OCA2: variants seen among roughly 807,000 people sequenced by gnomAD.
OCA2 encodes P protein.
In OCA2, 77 loss-of-function variants were observed where a neutral mutation model predicts 100.2. The observed-to-expected ratio is 0.77, with a 90% confidence interval of 0.64 to 0.93. OCA2 has a LOEUF of 0.93. Ranked by LOEUF, OCA2 falls within the 40% of genes least tolerant of loss-of-function variation. The pLI, the probability that OCA2 is intolerant of heterozygous loss-of-function variation, is 0.00. For missense variants in OCA2, 1,062 were observed against 1,089.1 expected, an observed-to-expected ratio of 0.98 and a Z score of 0.35; for synonymous variants, 432 against 439.2, an observed-to-expected ratio of 0.98 and a Z score of 0.21.
In OCA2 at chr15:28,074,668, C is replaced by T. The variant is rs868587367; in HGVS notation, c.227+6980G>A. 1.0e-3 allele frequency among the ~76,000 whole-genome samples: 133 copies of T among 126,744 alleles called. 1 individual carries two copies. Among genetic ancestry groups the T allele is most frequent in the African/African-American group, 4.2e-3 (118 of 28,246 alleles). The allele number at this position is 126,744 out of a possible 152,430, so 83.1% of individuals were successfully genotyped here. A position where few individuals can be genotyped will look rare whatever the true frequency, so the allele number is the denominator to read the frequency against. ...CAGCCTGGGCAACAGAGCGAGACTC[C>T]GTCTCAAAAAAAAAAAAAAAAAAAA... On this transcript the variant is annotated intron_variant, in intron 2 of 23. Transcript: ENST00000354638.
intron 23 of OCA2, among the ~76,000 whole-genome samples, chr15:27,794,347 G>A (rs2033231345): frequency 6.6e-6 from 1 of 152,176 alleles, no homozygotes; most frequent in South Asian, 2.1e-4. Context: ...GCGCTCAGGA[G>A]GACTTGCTGC....
At chr15:27,768,810 G>A (rs1382423232) in intron 23 of OCA2, among the ~76,000 whole-genome samples, 1 of 152,194 alleles carries the variant, frequency 6.6e-6, no homozygotes, top group East Asian at 1.9e-4. Context: ...TTCTGAAGGG[G>A]AAGGCAAGGC....
chr15:27,911,961 G>A (rs58480573), intron 19 of OCA2, among the ~76,000 whole-genome samples: 7,665 of 152,266 alleles, frequency 0.05, 367 homozygotes, highest in South Asian at 0.21. Context: ...AAATACTGTA[G>A]TTGAGTTAGT....
At chr15:27,919,465 T>C (rs1595646532) in intron 19 of OCA2, among the ~76,000 whole-genome samples, 1 of 152,048 alleles carries the variant, frequency 6.6e-6, no homozygotes. Flanking sequence ...TGTTAAGCCA[T>C]GAAAAGACAA....
intron 6 of OCA2, 73 bp from the exon 7 acceptor site, chr15:28,018,630 A>G (rs2042483410): frequency 2.1e-6 from 3 of 1,395,498 alleles, no homozygotes; most frequent in African/African-American, 2.8e-5. Flanking sequence ...CCAGACGCAC[A>G]CCCTCCTCTG....
intron 2 of OCA2, among the ~76,000 whole-genome samples, chr15:28,078,358 T>G (rs543273634): frequency 1.3e-5 from 2 of 152,360 alleles, no homozygotes; most frequent in East Asian, 1.9e-4. Context: ...CTGCTGCTAC[T>G]CACAGCCTCC....
chr15:27,934,518 T>G (rs1457461452), intron 18 of OCA2, among the ~76,000 whole-genome samples: 1 of 152,224 alleles, frequency 6.6e-6, no homozygotes, highest in African/African-American at 2.4e-5. Flanking sequence ...TGCTCCAATT[T>G]CACTTCTCCT....
the OCA2 span, among the ~76,000 whole-genome samples, chr15:27,739,778 T>C: frequency 6.6e-6 from 1 of 152,050 alleles, no homozygotes; most frequent in South Asian, 2.1e-4. Flanking sequence ...ATGAATTCTC[T>C]TACCTCCAAC....
intron 9 of OCA2, among the ~76,000 whole-genome samples, chr15:27,994,130 A>G (rs2041645347): frequency 1.3e-5 from 2 of 152,140 alleles, no homozygotes; most frequent in South Asian, 4.2e-4. Context: ...AGGGCCGCAC[A>G]GTGGGAGGTG....
intron 23 of OCA2, among the ~76,000 whole-genome samples, chr15:27,834,418 C>T (rs2035072514): frequency 6.6e-6 from 1 of 152,212 alleles, no homozygotes; most frequent in Non-Finnish European, 1.5e-5. Flanking sequence ...TTATAATACC[C>T]TTTAAAATAA....
At chr15:28,034,713 C>A (rs1034950982) in intron 2 of OCA2, among the ~76,000 whole-genome samples, 4 of 151,852 alleles carry the variant, frequency 2.6e-5, no homozygotes, top group African/African-American at 9.7e-5. Context: ...AGAGGTCAAA[C>A]CTTCAATGAG....
At chr15:27,770,512 G>C (rs1275195961) in intron 23 of OCA2, among the ~76,000 whole-genome samples, 2 of 121,462 alleles carry the variant, frequency 1.6e-5, no homozygotes, top group Admixed American at 1.7e-4. Flanking sequence ...GACCCTCCCC[G>C]CAGGCCGCCG....
intron 21 of OCA2, among the ~76,000 whole-genome samples, chr15:27,855,132 C>A (rs1442644617): frequency 6.6e-6 from 1 of 152,202 alleles, no homozygotes; most frequent in Non-Finnish European, 1.5e-5. Context: ...TGATAAGAAC[C>A]AGCTCCCTAA....
At chr15:27,966,663 C>A in intron 15 of OCA2, 27 bp downstream of exon 15, 1 of 1,612,452 alleles carries the variant, frequency 6.2e-7, no homozygotes, top group Non-Finnish European at 8.5e-7. Flanking sequence ...GAAATCTGAG[C>A]CTACATGAGG....
chr15:27,730,797 A>G, the OCA2 span, among the ~76,000 whole-genome samples: 1 of 139,820 alleles, frequency 7.2e-6, no homozygotes, highest in Non-Finnish European at 1.5e-5. Context: ...TTCAAATTAT[A>G]TCACAGGAGC....
At chr15:27,983,305 G>A (rs2140963685) in intron 14 of OCA2, 40 bp downstream of exon 14, 1 of 1,613,116 alleles carries the variant, frequency 6.2e-7, no homozygotes, top group East Asian at 2.2e-5. Context: ...AAGTGGAGGT[G>A]TGCGTTTACT....
At position 27,895,860 on chromosome 15, in the gene OCA2, T is replaced by C. The variant is rs2037666348; in HGVS notation, c.2080-23938A>G. The C allele has an allele frequency of 1.1e-5, 6 of 550,800 alleles. 1 individual carries two copies. Among genetic ancestry groups the C allele is most frequent in the South Asian group, 7.8e-5 (4 of 51,352 alleles). 34.1% of individuals were successfully genotyped at this position (550,800 alleles called of 1,614,324 possible). A position where few individuals can be genotyped will look rare whatever the true frequency, so the allele number is the denominator to read the frequency against. On this transcript the variant is annotated intron_variant, in intron 19 of 23. Transcript: ENST00000354638. Reference sequence around the variant, plus strand: ...AACACACCCAAATACAGGATGATAGTTTGTGTAACACACAGAGATATTATT... The same window carrying C: ...AACACACCCAAATACAGGATGATAGCTTGTGTAACACACAGAGATATTATT...
intron 2 of OCA2, among the ~76,000 whole-genome samples, chr15:28,062,589 T>C (rs72712694): frequency 0.038 from 5,733 of 152,308 alleles, 138 homozygotes; most frequent in Admixed American, 0.06. Flanking sequence ...TTATGTACTT[T>C]TTTTGTTTGT....
intron 23 of OCA2, among the ~76,000 whole-genome samples, chr15:27,761,665 A>G (rs74007357): frequency 8.0e-4 from 122 of 152,324 alleles, no homozygotes; most frequent in African/African-American, 2.9e-3. Context: ...AGCAAAGACA[A>G]TCTTAACAAA....
Sources: gnomAD v4.1 joint callset for allele counts (sites outside exome capture counted in the v4.1 genomes callset) on GRCh38, gnomAD v4.1.1 for gene constraint, MANE v1.5 for transcripts, NCBI Gene and HGNC (gene_info 2026-07-23, HGNC 2026-07-21) for gene names.